Variants in CELSR1 observed in about 807,000 individuals in gnomAD.
CELSR1 encodes the protein cadherin EGF LAG seven-pass G-type receptor 1.
CELSR1 carries 110 observed loss-of-function variants against 249.1 expected under a neutral mutation model. The ratio of observed to expected loss-of-function variants is 0.44; its 90% CI spans 0.38 to 0.52. The LOEUF (loss-of-function observed/expected upper bound fraction) is 0.52, where lower values mean the gene tolerates loss of function less well. Among genes scored for constraint, CELSR1 ranks in the 20% least tolerant of loss-of-function variants. CELSR1 has a pLI of 0.00. For missense variants in CELSR1, 4,109 were observed against 4,296.4 expected, an observed-to-expected ratio of 0.96 and a Z score of 1.22; for synonymous variants, 2,113 against 1,900.0, an observed-to-expected ratio of 1.11 and a Z score of -2.92.
chr22:46,533,574 GC>G, intron 1 of CELSR1, 52 bp downstream of exon 1: 1 of 1,506,198 alleles, frequency 6.6e-7, no homozygotes, highest in Non-Finnish European at 8.8e-7. Context: ...GGTTCCTGAG[GC>G]TCTCCAGGAG....
chr22:46,363,755 G>A lies in CELSR1; in HGVS notation c.9035+241C>T. Reference sequence around the variant, plus strand: ...GTCCTAGCATTTTGGGGCTGGCCAGGGCTTCAGAGTCCCAGAGGCCTGAGA... The same window carrying A: ...GTCCTAGCATTTTGGGGCTGGCCAGAGCTTCAGAGTCCCAGAGGCCTGAGA... On this transcript the variant is annotated intron_variant, in intron 34 of 34. Coordinates refer to ENST00000674500, the MANE Select transcript of CELSR1 (RefSeq NM_001378328.1). The surrounding 1 kb of genome is among the most constrained non-coding windows in gnomAD (Gnocchi z 4.3). 1.8e-6 allele frequency: 1 copy of A among 560,988 alleles called. No individual in the cohort carries two copies. The highest frequency in any genetic ancestry group is 3.6e-5 in the Admixed American group (1 of 27,700). 34.8% of individuals were successfully genotyped at this position (560,988 alleles called of 1,614,324 possible).
In CELSR1 at chr22:46,408,990, A is replaced by AG; in HGVS notation, c.5226+5dup. 1 of 1,600,300 alleles carries AG rather than the reference A, an allele frequency of 6.2e-7. No individual in the cohort carries two copies. On this transcript the variant is annotated splice_donor_region_variant and intron_variant, in intron 9 of 34. Transcript: ENST00000674500. This position sits in a 1 kb window ranked among gnomAD's most constrained non-coding sequence, Gnocchi z 4.6. ...AGGTGCCTTGGTGGCACGGGGCCCCAGTCACCTGGAGGCGAAAGCTGGTGG... is the reference window on the plus strand; with the variant it reads ...AGGTGCCTTGGTGGCACGGGGCCCCAGGTCACCTGGAGGCGAAAGCTGGTGG...
chr22:46,394,510 T>C (rs1332165225), intron 13 of CELSR1, among the ~76,000 whole-genome samples: 1 of 152,118 alleles, frequency 6.6e-6, no homozygotes, highest in Non-Finnish European at 1.5e-5. Context: ...GTGCCCCACG[T>C]CCACATGATG....
At position 46,463,829 on chromosome 22, in the gene CELSR1, CCGGGCGGGCAG is replaced by C; in HGVS notation, c.4050_4060del (p.Cys1351LeufsTer45). On this transcript the variant is annotated frameshift_variant, in exon 2 of 35. Coordinates refer to ENST00000674500, the MANE Select transcript of CELSR1 (RefSeq NM_001378328.1). LOFTEE classifies it high-confidence loss of function. ...CGTCTCGCAGTAGTCGCCGGTGAAG[CCGGGCGGGCAG>C]CGGCAGCGCAGGCCGTTGATGGGGT... 2 of 1,611,490 alleles carry C rather than the reference CCGGGCGGGCAG, an allele frequency of 1.2e-6. No homozygotes were observed. The highest frequency in any genetic ancestry group is 1.7e-6 in the Non-Finnish European group (2 of 1,178,784).
intron 18 of CELSR1, 79 bp from the exon 19 acceptor site, chr22:46,386,664 CT>C: frequency 8.2e-7 from 1 of 1,213,762 alleles, no homozygotes; most frequent in South Asian, 1.5e-5. Context: ...CCCTGAAAGC[CT>C]TTGCTTGCCT....
chr22:46,410,310 G>A lies in CELSR1; in HGVS notation c.4933+88C>T. 5 of 1,508,740 alleles carry A rather than the reference G, an allele frequency of 3.3e-6. No homozygotes were observed. The highest frequency in any genetic ancestry group is 4.6e-6 in the Non-Finnish European group (5 of 1,098,100). The allele number at this position is 1,508,740 out of a possible 1,614,324, so 93.5% of individuals were successfully genotyped here. On this transcript the variant is annotated intron_variant, in intron 7 of 34. Coordinates refer to ENST00000674500, the MANE Select transcript of CELSR1 (RefSeq NM_001378328.1). This position sits in a 1 kb window ranked among gnomAD's most constrained non-coding sequence, Gnocchi z 6.8. ...TTCTAAGAAAAACACGGCTCCCCAG[G>A]GATCTGCAAGCAGTGACCTCTGTGT...
At chr22:46,528,606 A>G (rs1334420786) in intron 1 of CELSR1, among the ~76,000 whole-genome samples, 2 of 152,216 alleles carry the variant, frequency 1.3e-5, no homozygotes, top group Non-Finnish European at 2.9e-5. Context: ...AATGTGGTAC[A>G]TATATACCAT....
chr22:46,394,443 C>T (rs1012188352), intron 13 of CELSR1, among the ~76,000 whole-genome samples, 181 bp from the exon 14 acceptor site: 1 of 152,186 alleles, frequency 6.6e-6, no homozygotes, highest in Non-Finnish European at 1.5e-5. Context: ...CAACCTCACC[C>T]CCCACCCACA....
Position 46,395,530 on chromosome 22 carries a change from C to T in CELSR1, c.5843+1075G>A, listed in dbSNP as rs928043426. On this transcript the variant is annotated intron_variant, in intron 13 of 34. Coordinates refer to ENST00000674500, the MANE Select transcript of CELSR1 (RefSeq NM_001378328.1). The surrounding 1 kb of genome is among the most constrained non-coding windows in gnomAD (Gnocchi z 5.5). ...TCCCTCTCCACTCCCAGGGCACCTC[C>T]GCGGCGCTCTCCCTGGCATCACATC... Among the ~76,000 whole-genome samples, 6 of 152,194 alleles carry T rather than the reference C, an allele frequency of 3.9e-5. No individual in the cohort carries two copies. The highest frequency in any genetic ancestry group is 8.8e-5 in the Non-Finnish European group (6 of 68,028).
In CELSR1 at chr22:46,526,379, G is replaced by T. The variant is rs960801142; in HGVS notation, c.3544+7248C>A. ...GTGCTGTGCGTAACCCGCCAACTCT[G>T]CTGGGCCTTTAGCTCAGCCTTGTGC... On this transcript the variant is annotated intron_variant, in intron 1 of 34. Coordinates refer to ENST00000674500, the MANE Select transcript of CELSR1 (RefSeq NM_001378328.1). This position sits in a 1 kb window ranked among gnomAD's most constrained non-coding sequence, Gnocchi z 4.7. 6.6e-6 allele frequency among the ~76,000 whole-genome samples: 1 copy of T among 152,182 alleles called. No individual in the cohort carries two copies. The highest frequency in any genetic ancestry group is 1.5e-5 in the Non-Finnish European group (1 of 68,030).
chr22:46,419,740 T>G (rs187168896), intron 5 of CELSR1, among the ~76,000 whole-genome samples: 17 of 151,318 alleles, frequency 1.1e-4, no homozygotes, highest in South Asian at 6.3e-4. Context: ...TCACCCACAC[T>G]CGTGCATACT....
intron 2 of CELSR1, among the ~76,000 whole-genome samples, chr22:46,459,963 T>C (rs2080002026): frequency 6.6e-6 from 1 of 152,012 alleles, no homozygotes; most frequent in Admixed American, 6.6e-5. Context: ...ACCCAACACT[T>C]TGGGAGGCCA....
rs560321662 is a variant in CELSR1 at position 46,363,862 on chromosome 22, C to G, written c.9035+134G>C. 13 of 1,244,626 alleles carry G rather than the reference C, an allele frequency of 1.0e-5. No individual in the cohort carries two copies. In the South Asian group the frequency reaches 1.2e-4, roughly 11 times the overall value. 77.1% of individuals were successfully genotyped at this position (1,244,626 alleles called of 1,614,324 possible). A position where few individuals can be genotyped will look rare whatever the true frequency, so the allele number is the denominator to read the frequency against. Reference sequence around the variant, plus strand: ...GCAGCGCCTCCCCCCTCCCCCATCCCCGCCTGGGCTTCCTCTGCACTCAGG... The same window carrying G: ...GCAGCGCCTCCCCCCTCCCCCATCCGCGCCTGGGCTTCCTCTGCACTCAGG... On this transcript the variant is annotated intron_variant, in intron 34 of 34. Coordinates refer to ENST00000674500, the MANE Select transcript of CELSR1 (RefSeq NM_001378328.1). This position sits in a 1 kb window ranked among gnomAD's most constrained non-coding sequence, Gnocchi z 4.3.
chr22:46,410,339 T>C lies in CELSR1; in HGVS notation c.4933+59A>G, dbSNP rs2079318236. 1 of 1,585,772 alleles carries C rather than the reference T, an allele frequency of 6.3e-7. No homozygotes were observed. The highest frequency in any genetic ancestry group is 1.7e-5 in the Admixed American group (1 of 59,498). Reference sequence around the variant, plus strand: ...CTGCAAGCAGTGACCTCTGTGTGGCTGCCGACGTCCAGCCAGATGCCACTG... The same window carrying C: ...CTGCAAGCAGTGACCTCTGTGTGGCCGCCGACGTCCAGCCAGATGCCACTG... On this transcript the variant is annotated intron_variant, in intron 7 of 34. Coordinates refer to ENST00000674500, the MANE Select transcript of CELSR1 (RefSeq NM_001378328.1). The surrounding 1 kb of genome is among the most constrained non-coding windows in gnomAD (Gnocchi z 6.8).
rs1042238334 is a variant in CELSR1, at chr22:46,446,703, T to C, written c.4184-7292A>G. Among the ~76,000 whole-genome samples, 1 of 152,208 alleles carries C rather than the reference T, an allele frequency of 6.6e-6. No individual in the cohort carries two copies. The highest frequency in any genetic ancestry group is 1.5e-5 in the Non-Finnish European group (1 of 68,032). ...CAGGATTTCCCCAGTTCCAAGCCAA[T>C]GACTGATGCCTGCACTTAATCCATG... On this transcript the variant is annotated intron_variant, in intron 2 of 34. Transcript: ENST00000674500. The surrounding 1 kb of genome is among the most constrained non-coding windows in gnomAD (Gnocchi z 5.5).
At chr22:46,367,603 G>A (rs1274209155) in intron 28 of CELSR1, 126 bp downstream of exon 28, 3 of 1,329,250 alleles carry the variant, frequency 2.3e-6, no homozygotes, top group African/African-American at 2.9e-5. Flanking sequence ...ACAGCCACAG[G>A]AGGCCCCCAC....
chr22:46,512,900 T>C lies in CELSR1; in HGVS notation c.3544+20727A>G, dbSNP rs2080588191. Among the ~76,000 whole-genome samples the C allele has an allele frequency of 6.6e-6, 1 of 152,216 alleles. No homozygotes were observed. Among genetic ancestry groups the C allele is most frequent in the Non-Finnish European group, 1.5e-5 (1 of 68,038 alleles). Reference sequence around the variant, plus strand: ...CTGGCTGTCCTCTGCTCCTGAGTGCTGCCCCGGGTGGCCCCGCATGGCAGG... The same window carrying C: ...CTGGCTGTCCTCTGCTCCTGAGTGCCGCCCCGGGTGGCCCCGCATGGCAGG... On this transcript the variant is annotated intron_variant, in intron 1 of 34. Coordinates refer to ENST00000674500, the MANE Select transcript of CELSR1 (RefSeq NM_001378328.1). The surrounding 1 kb of genome is among the most constrained non-coding windows in gnomAD (Gnocchi z 5.2).
rs140636692 is a variant in CELSR1, at chr22:46,400,530, C to A, written c.5227-628G>T. On this transcript the variant is annotated intron_variant, in intron 9 of 34. Coordinates refer to ENST00000674500, the MANE Select transcript of CELSR1 (RefSeq NM_001378328.1). The stretch of plus-strand genomic sequence containing the variant: ...CAGGCACCTGTAAGCCCGGCTACTC[C>A]GCAGGCTAAGGCAGCAGAATCGCTT... 1.3e-3 allele frequency among the ~76,000 whole-genome samples: 192 copies of A among 152,106 alleles called. 1 individual carries two copies. The highest frequency in any genetic ancestry group is 4.4e-3 in the African/African-American group (183 of 41,502).
At position 46,374,134 on chromosome 22, in the gene CELSR1, A is replaced by G. The variant is rs2078891792; in HGVS notation, c.7585-1077T>C. Among the ~76,000 whole-genome samples the G allele has an allele frequency of 2.0e-5, 3 of 152,300 alleles. No individual in the cohort carries two copies. In the South Asian group the frequency reaches 6.2e-4, roughly 32 times the overall value. ...GCCAGAGACAGGCCCTTTGCCTCAG[A>G]CTGTGGCCTCGGTCAGGAAAGGAGG... On this transcript the variant is annotated intron_variant, in intron 24 of 34. Coordinates refer to ENST00000674500, the MANE Select transcript of CELSR1 (RefSeq NM_001378328.1). This position sits in a 1 kb window ranked among gnomAD's most constrained non-coding sequence, Gnocchi z 4.3.
Sources: gnomAD v4.1 joint callset for allele counts (sites outside exome capture counted in the v4.1 genomes callset) on GRCh38, gnomAD v4.1.1 for gene constraint, Gnocchi (gnomAD v3.1) non-coding constraint, MANE v1.5 for transcripts, NCBI Gene and HGNC (gene_info 2026-07-23, HGNC 2026-07-21) for gene names.